Variants in PTAFR observed in about 807,000 individuals in gnomAD.
The protein encoded by PTAFR is platelet activating factor receptor, also known as platelet-activating factor receptor.
A neutral mutation model predicts 14.7 loss-of-function variants in PTAFR; 8 were observed. The ratio of observed to expected loss-of-function variants is 0.54; its 90% CI spans 0.32 to 0.98. The LOEUF (loss-of-function observed/expected upper bound fraction) is 0.98, where lower values mean the gene tolerates loss of function less well. Among genes scored for constraint, PTAFR ranks in the 50% least tolerant of loss-of-function variants. PTAFR has a pLI of 0.04. For synonymous variants in PTAFR, 156 were observed against 176.5 expected, an observed-to-expected ratio of 0.88 and a Z score of 0.92; for missense variants, 337 against 451.2, an observed-to-expected ratio of 0.75 and a Z score of 2.29.
At chr1:28,159,901 A>G (rs1646304436) in intron 1 of PTAFR, among the ~76,000 whole-genome samples, 1 of 152,054 alleles carries the variant, frequency 6.6e-6, no homozygotes, top group Admixed American at 6.6e-5. Flanking sequence ...ATTCAAATAA[A>G]CCAACTGTAA....
upstream of PTAFR, among the ~76,000 whole-genome samples, chr1:28,181,058 G>A (rs190360357): frequency 0.011 from 1,701 of 152,048 alleles, 22 homozygotes; most frequent in Non-Finnish European, 0.015. Context: ...GTGTTGTCCA[G>A]GCTGATCTCA....
chr1:28,150,491 G>A lies in PTAFR; in HGVS notation c.531C>T (p.Tyr177=), dbSNP rs370324658. ...TGAGGACTGGCACGCTGCCCTTCTC[G>A]TAATGCTCAAAGCAGCGAGTGACGT... The part of the protein sequence containing the change: ...SGNVTRCFEH[Y]EKGSVPVLII... The change falls in exon 2 of 2, where the codon TAC becomes TAT. Residue 177 remains tyrosine (Y), a synonymous_variant. Transcript: ENST00000373857. The surrounding 1 kb of genome is among the most constrained non-coding windows in gnomAD (Gnocchi z 6.3). 3.3e-5 allele frequency: 53 copies of A among 1,614,114 alleles called. No individual in the cohort carries two copies. The highest frequency in any genetic ancestry group is 3.8e-5 in the Non-Finnish European group (45 of 1,180,040).
intron 1 of PTAFR, among the ~76,000 whole-genome samples, chr1:28,190,695 C>T (rs2149009909): frequency 6.6e-6 from 1 of 152,230 alleles, no homozygotes; most frequent in Non-Finnish European, 1.5e-5. Context: ...AAGGGGACTG[C>T]TCTAAAACCA....
At chr1:28,190,090 G>T (rs574048777) in intron 1 of PTAFR, among the ~76,000 whole-genome samples, 1 of 151,804 alleles carries the variant, frequency 6.6e-6, no homozygotes, top group Non-Finnish European at 1.5e-5. Flanking sequence ...CTCCTGCCTC[G>T]GCCTCCCAAG....
In PTAFR at chr1:28,150,347, T is replaced by A. The variant is rs767443006; in HGVS notation, c.675A>T (p.Glu225Asp). The change falls in exon 2 of 2, where the codon GAA (glutamate) becomes GAT (aspartate). Residue 225 changes from glutamate to aspartate, a missense_variant. Physicochemically the swap from Glu to Asp is conservative, Grantham distance 45. Coordinates refer to ENST00000373857, the MANE Select transcript of PTAFR (RefSeq NM_000952.5). This position sits in a 1 kb window ranked among gnomAD's most constrained non-coding sequence, Gnocchi z 6.3. ...CCATCCACAGCGCCCGGCGCTTGAC[T>A]TCAGCGTTGCGCTGCTGCTGCACCG... ...MQPVQQQRNA[E>D]VKRRALWMVC... is the part of the protein sequence containing the mutation. 1 of 1,614,110 alleles carries A rather than the reference T, an allele frequency of 6.2e-7. No individual in the cohort carries two copies. The highest frequency in any genetic ancestry group is 1.7e-5 in the Admixed American group (1 of 59,996).
intron 1 of PTAFR, among the ~76,000 whole-genome samples, chr1:28,164,214 TG>T (rs2148997822): frequency 6.6e-6 from 1 of 152,320 alleles, no homozygotes; most frequent in South Asian, 2.1e-4. Flanking sequence ...GTTGGGAAGT[TG>T]GGTTCACCAG....
intron 1 of PTAFR, among the ~76,000 whole-genome samples, chr1:28,163,827 T>A (rs1048113020): frequency 1.3e-5 from 2 of 152,132 alleles, no homozygotes; most frequent in Non-Finnish European, 2.9e-5. Flanking sequence ...CTCCAGCTAA[T>A]GGCAACAAAG....
At chr1:28,156,491 T>C (rs114716462) in intron 1 of PTAFR, among the ~76,000 whole-genome samples, 3,281 of 152,334 alleles carry the variant, frequency 0.022, 116 homozygotes, top group African/African-American at 0.073. Context: ...AAATTGTTTA[T>C]GTTTTAGAAA....
At chr1:28,190,786 C>T (rs1186321647) in intron 1 of PTAFR, among the ~76,000 whole-genome samples, 1 of 152,146 alleles carries the variant, frequency 6.6e-6, no homozygotes, top group Non-Finnish European at 1.5e-5. Flanking sequence ...TGAATCTTCT[C>T]TTCCTCCTCA....
upstream of PTAFR, among the ~76,000 whole-genome samples, chr1:28,180,011 A>G (rs1054770723): frequency 6.6e-6 from 1 of 152,022 alleles, no homozygotes; most frequent in Non-Finnish European, 1.5e-5. Flanking sequence ...CCGCTTGAAC[A>G]CAAAAACAAA....
upstream of PTAFR, among the ~76,000 whole-genome samples, chr1:28,180,582 A>G (rs1043522481): frequency 6.6e-5 from 10 of 152,148 alleles, no homozygotes; most frequent in Non-Finnish European, 1.2e-4. Flanking sequence ...GTGGGTGAAG[A>G]AGGGTGGAGT....
intron 1 of PTAFR, among the ~76,000 whole-genome samples, chr1:28,182,535 G>A (rs1646570698): frequency 6.6e-6 from 1 of 151,812 alleles, no homozygotes; most frequent in African/African-American, 2.4e-5. Context: ...ATTCGCTGCA[G>A]TGAGCCATGA....
chr1:28,162,513 C>A (rs1012239024), intron 1 of PTAFR, among the ~76,000 whole-genome samples: 1 of 152,084 alleles, frequency 6.6e-6, no homozygotes, highest in African/African-American at 2.4e-5. Context: ...TGGGTCCCAC[C>A]CCAGATCTCC....
At chr1:28,164,730 C>T (rs1458999518) in intron 1 of PTAFR, among the ~76,000 whole-genome samples, 2 of 152,334 alleles carry the variant, frequency 1.3e-5, no homozygotes, top group South Asian at 2.1e-4. Flanking sequence ...AGCTGTGTCC[C>T]CTGCTAGAAG....
chr1:28,168,204 C>T lies in PTAFR; in HGVS notation c.-39+8388G>A, dbSNP rs577961849. Among the ~76,000 whole-genome samples, 24 of 151,192 alleles carry T rather than the reference C, an allele frequency of 1.6e-4. 1 individual carries two copies. The highest frequency in any genetic ancestry group is 1.9e-4 in the Non-Finnish European group (13 of 67,832). On this transcript the variant is annotated intron_variant, in intron 1 of 1. Coordinates refer to ENST00000373857, the MANE Select transcript of PTAFR (RefSeq NM_000952.5). Reference sequence around the variant, plus strand: ...GCCAGGATGGTCTCAATCTGCTGACCTCGTGATCCGCCCTCCTCGGCCACC... The same window carrying T: ...GCCAGGATGGTCTCAATCTGCTGACTTCGTGATCCGCCCTCCTCGGCCACC...
chr1:28,183,207 G>A (rs1381158154), intron 1 of PTAFR, among the ~76,000 whole-genome samples: 1 of 152,082 alleles, frequency 6.6e-6, no homozygotes, highest in East Asian at 1.9e-4. Flanking sequence ...TCATTCAATG[G>A]AGACGGAAGT....
At chr1:28,176,386 C>T (rs891937841) in intron 1 of PTAFR, among the ~76,000 whole-genome samples, 4 of 143,638 alleles carry the variant, frequency 2.8e-5, no homozygotes, top group South Asian at 2.2e-4. Flanking sequence ...CAGGCTGCAG[C>T]GAGCCATGAT....
intron 1 of PTAFR, among the ~76,000 whole-genome samples, chr1:28,193,341 T>A (rs905909): frequency 5.9e-5 from 9 of 151,840 alleles, no homozygotes; most frequent in African/African-American, 2.2e-4. Flanking sequence ...ATCTGCATCA[T>A]GTGAGGCAAT....
chr1:28,168,960 G>A lies in PTAFR; in HGVS notation c.-39+7632C>T, dbSNP rs568029503. 9.9e-5 allele frequency among the ~76,000 whole-genome samples: 15 copies of A among 152,036 alleles called. 1 individual carries two copies. Among genetic ancestry groups the A allele is most frequent in the South Asian group, 2.1e-4 (1 of 4,810 alleles). ...TGGGATTACCAGCATGAGCCACTGC[G>A]CCCAGCCAAGTTGAAAACATTCTAT... On this transcript the variant is annotated intron_variant, in intron 1 of 1. Transcript: ENST00000373857.
Sources: allele counts gnomAD v4.1 joint callset (sites outside exome capture counted in the v4.1 genomes callset), GRCh38; gene constraint gnomAD v4.1.1; non-coding constraint Gnocchi (gnomAD v3.1); transcripts MANE v1.5; gene names NCBI Gene and HGNC (gene_info 2026-07-23, HGNC 2026-07-21).